TTLL1: variants seen among roughly 807,000 people sequenced by gnomAD.
TTLL1 encodes polyglutamylase complex subunit TTLL1.
A neutral mutation model predicts 47.8 loss-of-function variants in TTLL1; 33 were observed. The observed-to-expected ratio is 0.69, with a 90% confidence interval of 0.52 to 0.92. TTLL1 has a LOEUF of 0.92. Ranked by LOEUF, TTLL1 falls within the 40% of genes least tolerant of loss-of-function variation. The pLI is 0.00. For synonymous variants in TTLL1, 225 were observed against 214.1 expected, an observed-to-expected ratio of 1.05 and a Z score of -0.45; for missense variants, 488 against 547.5, an observed-to-expected ratio of 0.89 and a Z score of 1.08.
chr22:43,042,981 C>G (rs1925814196), intron 10 of TTLL1, among the ~76,000 whole-genome samples: 1 of 150,292 alleles, frequency 6.7e-6, no homozygotes, highest in South Asian at 2.1e-4. Context: ...GCTGTGTCGC[C>G]CAGGCTGGAG....
In TTLL1 at chr22:43,089,337, G is replaced by T. The variant is rs1156594035; in HGVS notation, c.-150C>A. On this transcript the variant is annotated 5_prime_UTR_variant, in exon 1 of 11. Coordinates refer to ENST00000266254, the MANE Select transcript of TTLL1 (RefSeq NM_012263.5). ...GCCCTGCAGGGATGCCTCGAGCCGC[G>T]CCCTCGCCCCGCCTCCAGCCCCTCT... 2.0e-5 allele frequency: 3 copies of T among 152,380 alleles called. No individual in the cohort carries two copies. Among genetic ancestry groups the T allele is most frequent in the Non-Finnish European group, 2.9e-5 (2 of 68,242 alleles). 9.4% of individuals were successfully genotyped at this position (152,380 alleles called of 1,614,324 possible). A position where few individuals can be genotyped will look rare whatever the true frequency, so the allele number is the denominator to read the frequency against.
chr22:43,071,157 T>A (rs1026635092), intron 3 of TTLL1, among the ~76,000 whole-genome samples: 3 of 151,848 alleles, frequency 2.0e-5, no homozygotes, highest in Non-Finnish European at 1.5e-5. Flanking sequence ...ATTCAACTGA[T>A]CCTGCCGCCT....
At chr22:43,088,808 G>A (rs957594900) in intron 1 of TTLL1, among the ~76,000 whole-genome samples, 10 of 152,104 alleles carry the variant, frequency 6.6e-5, no homozygotes, top group African/African-American at 1.4e-4. Context: ...TATGGAAAAG[G>A]ATGACTACCC....
At chr22:43,042,078 C>G (rs1925729021) in intron 10 of TTLL1, among the ~76,000 whole-genome samples, 1 of 152,176 alleles carries the variant, frequency 6.6e-6, no homozygotes, top group Non-Finnish European at 1.5e-5. Flanking sequence ...GGGGACTCCA[C>G]ATTCATAAAT....
intron 1 of TTLL1, among the ~76,000 whole-genome samples, chr22:43,087,523 CAAAAA>C (rs888525930): frequency 1.2e-5 from 1 of 83,624 alleles, no homozygotes. Flanking sequence ...GACTCCATCT[CAAAAA>C]AAAAAAAAAA....
At chr22:43,084,632 G>A (rs113296217) in intron 1 of TTLL1, among the ~76,000 whole-genome samples, 2,534 of 152,098 alleles carry the variant, frequency 0.017, 34 homozygotes, top group Non-Finnish European at 0.026. Context: ...CTCCCGAGTA[G>A]CCAGGACTAC....
intron 9 of TTLL1, among the ~76,000 whole-genome samples, chr22:43,050,137 G>T (rs925086619): frequency 6.6e-6 from 1 of 151,672 alleles, no homozygotes; most frequent in Non-Finnish European, 1.5e-5. Context: ...AAAAAGTAGG[G>T]CTGGGTGCAG....
At chr22:43,064,125 T>C in intron 6 of TTLL1, 65 bp downstream of exon 6, 10 of 1,583,772 alleles carry the variant, frequency 6.3e-6, no homozygotes. Context: ...ACAATGGTGC[T>C]AAGAAGAAAG....
At position 43,069,722 on chromosome 22, in the gene TTLL1, T is replaced by C; in HGVS notation, c.236A>G (p.Lys79Arg). 1 of 1,614,270 alleles carries C rather than the reference T, an allele frequency of 6.2e-7. No individual in the cohort carries two copies. The highest frequency in any genetic ancestry group is 1.3e-5 in the African/African-American group (1 of 75,074). Residue 79 changes from lysine to arginine, a missense_variant, in exon 4 of 11, where the codon AAG (lysine) becomes AGG (arginine). Transcript: ENST00000266254. ...CTCCTTCCTGTATCTTTTGATGTTC[T>C]TCACCATCAGGTCCTTCCGGGTCAG... ...YELTRKDLMV[K>R]NIKRYRKELE...
intron 10 of TTLL1, among the ~76,000 whole-genome samples, chr22:43,043,649 C>T (rs1925875828): frequency 6.6e-6 from 1 of 152,070 alleles, no homozygotes; most frequent in African/African-American, 2.4e-5. Context: ...CTTTAATCTC[C>T]ACTTCCCCTT....
At chr22:43,041,035 G>A (rs1006525285) in intron 10 of TTLL1, among the ~76,000 whole-genome samples, 26 of 152,236 alleles carry the variant, frequency 1.7e-4, no homozygotes, top group African/African-American at 4.6e-4. Flanking sequence ...CCCCCTCCAC[G>A]GTGACTGACA....
chr22:43,057,426 G>T (rs2146970129), intron 8 of TTLL1, among the ~76,000 whole-genome samples: 1 of 152,118 alleles, frequency 6.6e-6, no homozygotes, highest in Non-Finnish European at 1.5e-5. Flanking sequence ...ATACATTTCT[G>T]ACTGTGGAGG....
At chr22:43,089,249 G>T (rs1219507032) in intron 1 of TTLL1, 28 bp downstream of exon 1, 1 of 152,400 alleles carries the variant, frequency 6.6e-6, no homozygotes, top group South Asian at 2.1e-4. Flanking sequence ...GTGCCCGGGA[G>T]GCGGCGGCCT....
At chr22:43,057,893 A>C (rs1927126918) in intron 8 of TTLL1, among the ~76,000 whole-genome samples, 1 of 151,750 alleles carries the variant, frequency 6.6e-6, no homozygotes, top group Admixed American at 6.6e-5. Flanking sequence ...GTCATATGCG[A>C]GTAACAAAAC....
chr22:43,060,211 C>T (rs958692718), intron 7 of TTLL1, among the ~76,000 whole-genome samples: 3 of 152,184 alleles, frequency 2.0e-5, no homozygotes, highest in East Asian at 1.9e-4. Context: ...GGAGTGCTGC[C>T]GGGATACCCT....
intron 9 of TTLL1, among the ~76,000 whole-genome samples, chr22:43,049,610 A>AG (rs1366493299): frequency 6.6e-6 from 1 of 151,310 alleles, no homozygotes; most frequent in Admixed American, 6.6e-5. Context: ...ACAAAAAAAA[A>AG]AAAAAAAAAT....
chr22:43,087,353 C>T (rs1345079865), intron 1 of TTLL1, among the ~76,000 whole-genome samples: 4 of 146,650 alleles, frequency 2.7e-5, no homozygotes, highest in East Asian at 4.1e-4. Context: ...GGTGAAACCC[C>T]GTCTCTACTA....
intron 10 of TTLL1, 51 bp from the exon 11 acceptor site, chr22:43,039,956 A>T (rs746042683): frequency 7.6e-6 from 12 of 1,588,896 alleles, no homozygotes; most frequent in Admixed American, 3.4e-5. Flanking sequence ...CAAAGGCAAC[A>T]GGCAGGGCCA....
chr22:43,054,345 G>A (rs1035806489), intron 8 of TTLL1, among the ~76,000 whole-genome samples: 6 of 152,042 alleles, frequency 3.9e-5, no homozygotes, highest in African/African-American at 1.4e-4. Context: ...CCCACACACT[G>A]TGCTCACGCA....
Sources: gnomAD v4.1 joint callset for allele counts (sites outside exome capture counted in the v4.1 genomes callset) on GRCh38, gnomAD v4.1.1 for gene constraint, MANE v1.5 for transcripts, NCBI Gene and HGNC (gene_info 2026-07-23, HGNC 2026-07-21) for gene names.